Variants in CHST10 observed in about 807,000 individuals in gnomAD.
CHST10 encodes the protein HNK-1 sulfotransferase.
Under a neutral mutation model 34.7 loss-of-function variants are expected in CHST10, and 24 were observed. That is an observed-to-expected ratio of 0.69 (90% confidence interval 0.50 to 0.97). The LOEUF (loss-of-function observed/expected upper bound fraction) is 0.97, where lower values mean the gene tolerates loss of function less well. Among genes scored for constraint, CHST10 ranks in the 50% least tolerant of loss-of-function variants. The pLI, the probability that CHST10 is intolerant of heterozygous loss-of-function variation, is 0.00. For synonymous variants in CHST10, 161 were observed against 169.3 expected (o/e 0.95, Z 0.38); for missense variants, 402 against 452.1 (o/e 0.89, Z 1.00).
At chr2:100,402,153 C>G (rs1675369457) in intron 4 of CHST10, among the ~76,000 whole-genome samples, 1 of 152,188 alleles carries the variant, frequency 6.6e-6, no homozygotes, top group Admixed American at 6.5e-5. Flanking sequence ...GTTCTCTCAT[C>G]CATACAATTT....
At chr2:100,393,862 C>A (rs889825968) in intron 6 of CHST10, 80 bp from the exon 7 acceptor site, 5 of 1,159,276 alleles carry the variant, frequency 4.3e-6, no homozygotes, top group South Asian at 1.4e-5. Flanking sequence ...GAAGAATGAG[C>A]GGAGTGCAGC....
intron 6 of CHST10, 21 bp from the exon 7 acceptor site, chr2:100,393,803 G>A (rs1313448135): frequency 3.1e-6 from 5 of 1,592,626 alleles, no homozygotes; most frequent in Non-Finnish European, 4.3e-6. Context: ...AAACGAACAA[G>A]AGGTTAACTT....
At chr2:100,413,409 T>C (rs1259892667) in intron 2 of CHST10, among the ~76,000 whole-genome samples, 1 of 152,152 alleles carries the variant, frequency 6.6e-6, no homozygotes, top group Non-Finnish European at 1.5e-5. Flanking sequence ...CAAGTCAAGA[T>C]GTCAGGATCT....
Position 100,412,346 on chromosome 2 carries a change from C to T in CHST10, c.-33+2695G>A, listed in dbSNP as rs931936912. Among the ~76,000 whole-genome samples the T allele has an allele frequency of 8.5e-5, 13 of 152,246 alleles. No individual in the cohort carries two copies. The East Asian group carries it at 2.1e-3, about 25-fold the overall frequency. ...TTGATGAATCCTAAAGAGTGGTGTG[C>T]CCAGCTAAGCATGGTGTCATTTGCT... On this transcript the variant is annotated intron_variant, in intron 2 of 6. Transcript: ENST00000264249.
chr2:100,412,019 T>C (rs991018794), intron 2 of CHST10, among the ~76,000 whole-genome samples: 1 of 152,164 alleles, frequency 6.6e-6, no homozygotes, highest in Non-Finnish European at 1.5e-5. Flanking sequence ...GCTATTATGG[T>C]CTTTTCTTTG....
rs1026280159 is a variant in CHST10 at position 100,392,791 on chromosome 2, C to T, written c.*454G>A. On this transcript the variant is annotated 3_prime_UTR_variant, in exon 7 of 7. Transcript: ENST00000264249. ...AAAGTCTCTGCGATTTCAGCAGCCC[C>T]CTTGCTTCTCTGTCCCTCCTCAGAG... The T allele has an allele frequency of 1.2e-5, 2 of 172,208 alleles. No individual in the cohort carries two copies. The highest frequency in any genetic ancestry group is 5.4e-5 in the Admixed American group (1 of 18,360). 10.7% of individuals were successfully genotyped at this position (172,208 alleles called of 1,614,324 possible).
chr2:100,416,452 A>G (rs1000295073), intron 1 of CHST10: 1 of 153,296 alleles, frequency 6.5e-6, no homozygotes, highest in African/African-American at 2.4e-5. Flanking sequence ...AGATGGACTA[A>G]GCTCTTAATT....
At chr2:100,394,301 T>C (rs1354146589) in intron 6 of CHST10, among the ~76,000 whole-genome samples, 1 of 152,078 alleles carries the variant, frequency 6.6e-6, no homozygotes, top group Admixed American at 6.6e-5. Context: ...CTGGGTGAGC[T>C]GCAAGCGGGC....
intron 2 of CHST10, among the ~76,000 whole-genome samples, chr2:100,410,305 A>G (rs1401268245): frequency 6.6e-6 from 1 of 151,984 alleles, no homozygotes. Context: ...CCTCATCACC[A>G]CCCAGGTGGC....
In CHST10 at chr2:100,415,278, T is replaced by G. The variant is rs4149508; in HGVS notation, c.-103-167A>C. On this transcript the variant is annotated intron_variant, in intron 1 of 6. Coordinates refer to ENST00000264249, the MANE Select transcript of CHST10 (RefSeq NM_004854.5). ...AAAGGCAGGTTATATTTGGATTTCT[T>G]GGTAAATGAATATTCTAAATGTACC... is the stretch of plus-strand genomic sequence containing the variant. 6.6e-5 allele frequency among the ~76,000 whole-genome samples: 10 copies of G among 152,298 alleles called. No homozygotes were observed. In the East Asian group the frequency reaches 1.9e-3, roughly 29 times the overall value.
At chr2:100,414,569 TG>T (rs1257922934) in intron 2 of CHST10, among the ~76,000 whole-genome samples, 7 of 152,228 alleles carry the variant, frequency 4.6e-5, no homozygotes, top group Non-Finnish European at 1.0e-4. Flanking sequence ...GTGTGGCATA[TG>T]AATTTATACT....
chr2:100,406,509 A>C, intron 3 of CHST10, 67 bp downstream of exon 3: 4 of 1,590,674 alleles, frequency 2.5e-6, no homozygotes, highest in Non-Finnish European at 3.4e-6. Flanking sequence ...CTATGCATGT[A>C]CCTAGGAACA....
At position 100,402,651 on chromosome 2, in the gene CHST10, G is replaced by A; in HGVS notation, c.105C>T (p.Tyr35=). ...ITLTFKDPDV[Y]SAKQEFLFLT... ...GGAACAGAAACTCCTGTTTGGCACT[G>A]TACACTGGAAGACAGAGAGGTTGAA... The change falls in exon 4 of 7, where the codon TAC becomes TAT. Residue 35 remains tyrosine (Y), a synonymous_variant. Coordinates refer to ENST00000264249, the MANE Select transcript of CHST10 (RefSeq NM_004854.5). 3 of 1,613,696 alleles carry A rather than the reference G, an allele frequency of 1.9e-6. No individual in the cohort carries two copies. Among genetic ancestry groups the A allele is most frequent in the Admixed American group, 1.7e-5 (1 of 60,016 alleles).
intron 3 of CHST10, among the ~76,000 whole-genome samples, chr2:100,403,811 A>C (rs776644236): frequency 6.6e-6 from 1 of 152,236 alleles, no homozygotes; most frequent in Non-Finnish European, 1.5e-5. Flanking sequence ...AACACCGTGA[A>C]CGTGTGTGAA....
At chr2:100,409,375 G>A (rs538164744) in intron 2 of CHST10, among the ~76,000 whole-genome samples, 2 of 152,302 alleles carry the variant, frequency 1.3e-5, no homozygotes, top group East Asian at 3.9e-4. Flanking sequence ...GTGGCCTAGG[G>A]ATAGGATTTC....
At chr2:100,402,474 C>T in intron 4 of CHST10, 90 bp downstream of exon 4, 1 of 974,294 alleles carries the variant, frequency 1.0e-6, no homozygotes, top group African/African-American at 1.6e-5. Context: ...GACGTGATGA[C>T]AAGCGGAACC....
At position 100,392,872 on chromosome 2, in the gene CHST10, C is replaced by CGTATCATTAAAAA; in HGVS notation, c.*372_*373insTTTTTAATGATAC. 1 of 230,642 alleles carries CGTATCATTAAAAA rather than the reference C, an allele frequency of 4.3e-6. No homozygotes were observed. The highest frequency in any genetic ancestry group is 8.3e-5 in the South Asian group (1 of 12,058). The allele number at this position is 230,642 out of a possible 1,614,324, so 14.3% of individuals were successfully genotyped here. On this transcript the variant is annotated 3_prime_UTR_variant, in exon 7 of 7. Transcript: ENST00000264249. ...GATGGGTGAAGCCACCCTGACTAGC[C>CGTATCATTAAAAA]AGGAGAACCTCAGGGGCATCCCCTT...
In CHST10 at chr2:100,393,716, C is replaced by T; in HGVS notation, c.600G>A (p.Lys200=). The change falls in exon 7 of 7, where the codon AAG becomes AAA. Residue 200 remains lysine (K), a synonymous_variant. Coordinates refer to ENST00000264249, the MANE Select transcript of CHST10 (RefSeq NM_004854.5). ...ACCGGGGATTGTGAACAAATTTATC[C>T]TTAAATGCAGAAATAAGTCTTTCGA... ...DPFERLISAF[K]DKFVHNPRFE... The T allele has an allele frequency of 1.2e-6, 2 of 1,613,890 alleles. No homozygotes were observed. Among genetic ancestry groups the T allele is most frequent in the South Asian group, 1.1e-5 (1 of 91,066 alleles).
rs6759686 is a variant in CHST10 at position 100,393,026 on chromosome 2, G to A, written c.*219C>T. ...AAAGGCCAGCGACATCCTAATGCAC[G>A]CAGGGGTGTGGGCAGGGTCCTCAGA... On this transcript the variant is annotated 3_prime_UTR_variant, in exon 7 of 7. Transcript: ENST00000264249. 12 of 584,858 alleles carry A rather than the reference G, an allele frequency of 2.1e-5. No individual in the cohort carries two copies. The highest frequency in any genetic ancestry group is 5.7e-5 in the East Asian group (2 of 34,962). The allele number at this position is 584,858 out of a possible 1,614,324, so 36.2% of individuals were successfully genotyped here.
Sources: gnomAD v4.1 joint callset for allele counts (sites outside exome capture counted in the v4.1 genomes callset) on GRCh38, gnomAD v4.1.1 for gene constraint, MANE v1.5 for transcripts, NCBI Gene and HGNC (gene_info 2026-07-23, HGNC 2026-07-21) for gene names.